MAL: variants seen among roughly 807,000 people sequenced by gnomAD.
MAL encodes the protein mal, T cell differentiation protein (MAL blood group).
A neutral mutation model predicts 16.7 loss-of-function variants in MAL; 5 were observed. The ratio of observed to expected loss-of-function variants is 0.30; its 90% CI spans 0.16 to 0.63. The LOEUF is 0.63. Among genes scored for constraint, MAL ranks in the 30% least tolerant of loss-of-function variants. MAL has a pLI of 0.82. For missense variants in MAL, 202 were observed against 195.8 expected (o/e 1.03, Z -0.19); for synonymous variants, 96 against 85.5 (o/e 1.12, Z -0.67).
chr2:95,040,467 A>C (rs1327864368), intron 1 of MAL, among the ~76,000 whole-genome samples: 1 of 152,236 alleles, frequency 6.6e-6, no homozygotes, highest in Non-Finnish European at 1.5e-5. Flanking sequence ...CACTCTTAGA[A>C]TGATTAGCTT....
intron 1 of MAL, among the ~76,000 whole-genome samples, chr2:95,027,742 C>T (rs1673977825): frequency 1.3e-5 from 2 of 152,180 alleles, no homozygotes; most frequent in African/African-American, 4.8e-5. Flanking sequence ...GACGGAGTCT[C>T]GCTCTGTCGC....
chr2:95,049,781 A>G (rs1020961619), intron 3 of MAL, 75 bp downstream of exon 3: 37 of 1,585,320 alleles, frequency 2.3e-5, no homozygotes, highest in Non-Finnish European at 2.9e-5. Flanking sequence ...GAGGCTGCCT[A>G]GGCCCTTGGT....
chr2:95,052,440 A>C (rs1674739752), intron 3 of MAL, among the ~76,000 whole-genome samples: 1 of 152,200 alleles, frequency 6.6e-6, no homozygotes, highest in South Asian at 2.1e-4. Flanking sequence ...TTATTCAATA[A>C]TTCAGCTTAC....
chr2:95,038,020 C>G (rs1360850827), intron 1 of MAL, among the ~76,000 whole-genome samples: 6 of 105,750 alleles, frequency 5.7e-5, no homozygotes, highest in African/African-American at 1.5e-4. Context: ...GACTGAGTGA[C>G]TGTGTGAGTG....
At chr2:95,051,101 C>T (rs1169837332) in intron 3 of MAL, among the ~76,000 whole-genome samples, 1 of 152,176 alleles carries the variant, frequency 6.6e-6, no homozygotes, top group African/African-American at 2.4e-5. Flanking sequence ...TGGAAAAACC[C>T]AGCTAGGGGA....
intron 1 of MAL, among the ~76,000 whole-genome samples, chr2:95,030,289 T>C (rs896030524): frequency 6.6e-6 from 1 of 152,140 alleles, no homozygotes; most frequent in African/African-American, 2.4e-5. Context: ...CTATTGCAGG[T>C]GGTGTGGTCA....
At chr2:95,041,650 C>T (rs1385121797) in intron 1 of MAL, among the ~76,000 whole-genome samples, 1 of 152,134 alleles carries the variant, frequency 6.6e-6, no homozygotes, top group Non-Finnish European at 1.5e-5. Flanking sequence ...GGTCACCCAG[C>T]TAGTGACACA....
intron 1 of MAL, among the ~76,000 whole-genome samples, chr2:95,034,909 C>T (rs1433097284): frequency 3.3e-5 from 5 of 152,170 alleles, no homozygotes; most frequent in Non-Finnish European, 5.9e-5. Context: ...TTGTCTGTCT[C>T]GTGCCTACAC....
At position 95,028,176 on chromosome 2, in the gene MAL, A is replaced by AT. The variant is rs1343105349; in HGVS notation, c.93+2291_93+2292insT. 4.0e-5 allele frequency among the ~76,000 whole-genome samples: 6 copies of AT among 148,410 alleles called. No individual in the cohort carries two copies. In the East Asian group the frequency reaches 1.2e-3, roughly 29 times the overall value. On this transcript the variant is annotated intron_variant, in intron 1 of 3. Coordinates refer to ENST00000309988, the MANE Select transcript of MAL (RefSeq NM_002371.4). ...ACAAAAAAAAAAAAAAAAAAAAAAA[A>AT]CCCGGCTTGGGTGGCTCATGCCTGT...
chr2:95,044,002 G>A (rs1249894259), intron 1 of MAL, among the ~76,000 whole-genome samples: 5 of 152,202 alleles, frequency 3.3e-5, no homozygotes, highest in Non-Finnish European at 5.9e-5. Flanking sequence ...CTTCTGGGTT[G>A]GAGGCTCCAG....
At chr2:95,037,836 C>CTGAGTGACTGAGTGTG (rs1674282331) in intron 1 of MAL, among the ~76,000 whole-genome samples, 1 of 123,968 alleles carries the variant, frequency 8.1e-6, no homozygotes, top group East Asian at 2.5e-4. Flanking sequence ...GAGTGAGTGA[C>CTGAGTGACTGAGTGTG]TGAGTGACTG....
At chr2:95,035,127 T>C (rs899834814) in intron 1 of MAL, among the ~76,000 whole-genome samples, 3 of 152,190 alleles carry the variant, frequency 2.0e-5, no homozygotes, top group Non-Finnish European at 2.9e-5. Flanking sequence ...TCCATCTCCC[T>C]TGGACCCTCC....
chr2:95,036,369 G>C (rs1465463051), intron 1 of MAL, among the ~76,000 whole-genome samples: 1 of 152,196 alleles, frequency 6.6e-6, no homozygotes, highest in African/African-American at 2.4e-5. Flanking sequence ...TACCTGTCCT[G>C]TGTGACGTTT....
chr2:95,043,967 C>T (rs961438954), intron 1 of MAL, among the ~76,000 whole-genome samples: 5 of 152,174 alleles, frequency 3.3e-5, no homozygotes, highest in Non-Finnish European at 7.4e-5. Flanking sequence ...GTAAGAGCGT[C>T]CCTAGGAACG....
At chr2:95,026,183 C>A (rs1284631554) in intron 1 of MAL, among the ~76,000 whole-genome samples, 1 of 152,062 alleles carries the variant, frequency 6.6e-6, no homozygotes, top group Non-Finnish European at 1.5e-5. Flanking sequence ...GTTCGCTGGT[C>A]CCAAAGCTGC....
chr2:95,039,420 G>C (rs1414379704), intron 1 of MAL, among the ~76,000 whole-genome samples: 5 of 151,200 alleles, frequency 3.3e-5, no homozygotes, highest in East Asian at 3.9e-4. Context: ...GGGTGAGTGA[G>C]TGAGTGACTG....
intron 1 of MAL, among the ~76,000 whole-genome samples, chr2:95,034,375 T>C (rs1401886525): frequency 6.6e-6 from 1 of 152,204 alleles, no homozygotes; most frequent in Non-Finnish European, 1.5e-5. Flanking sequence ...AGCAGGCTGC[T>C]TTCTAAGCCT....
intron 1 of MAL, among the ~76,000 whole-genome samples, chr2:95,040,130 C>G (rs1424916488): frequency 6.6e-6 from 1 of 152,164 alleles, no homozygotes; most frequent in African/African-American, 2.4e-5. Flanking sequence ...CCTACACACA[C>G]ACACACACAC....
At chr2:95,036,720 A>C (rs1311079138) in intron 1 of MAL, among the ~76,000 whole-genome samples, 2 of 150,254 alleles carry the variant, frequency 1.3e-5, no homozygotes, top group Non-Finnish European at 3.0e-5. Context: ...TGAGTGACCA[A>C]GTGAGTGAGT....
Sources: allele counts gnomAD v4.1 joint callset (sites outside exome capture counted in the v4.1 genomes callset), GRCh38; gene constraint gnomAD v4.1.1; transcripts MANE v1.5; gene names NCBI Gene and HGNC (gene_info 2026-07-23, HGNC 2026-07-21).